FHIT: variants seen among roughly 807,000 people sequenced by gnomAD.
The protein encoded by FHIT is bis(5'-adenosyl)-triphosphatase.
In FHIT, 19 loss-of-function variants were observed where a neutral mutation model predicts 17.9. That is an observed-to-expected ratio of 1.06 (90% CI 0.74 to 1.56). The LOEUF (loss-of-function observed/expected upper bound fraction) is 1.56, where lower values mean the gene tolerates loss of function less well. Among genes scored for constraint, FHIT ranks in the 40% most tolerant of loss-of-function variants. FHIT has a pLI of 0.00. For synonymous variants in FHIT, 81 were observed against 69.7 expected (o/e 1.16, Z -0.81); for missense variants, 248 against 189.2 (o/e 1.31, Z -1.82).
chr3:60,615,659 A>T (rs7640515), intron 4 of FHIT, among the ~76,000 whole-genome samples: 1 of 151,738 alleles, frequency 6.6e-6, no homozygotes, highest in Non-Finnish European at 1.5e-5. Flanking sequence ...CTATGTGTAC[A>T]ACCCTCTGCC....
chr3:59,959,419 A>G (rs1017747758), intron 7 of FHIT, among the ~76,000 whole-genome samples: 2 of 152,236 alleles, frequency 1.3e-5, no homozygotes, highest in African/African-American at 4.8e-5. Flanking sequence ...AAATGTATGT[A>G]GAAGATTTTA....
chr3:60,894,338 C>G (rs976137547), intron 3 of FHIT, among the ~76,000 whole-genome samples: 1 of 152,178 alleles, frequency 6.6e-6, no homozygotes, highest in Admixed American at 6.5e-5. Flanking sequence ...GGCTTATTCC[C>G]AGAGTCACCC....
intron 4 of FHIT, among the ~76,000 whole-genome samples, chr3:60,679,033 A>G (rs1377537619): frequency 2.0e-5 from 3 of 151,898 alleles, no homozygotes; most frequent in Non-Finnish European, 4.4e-5. Context: ...AAGCCGTAGT[A>G]AAGTCAATGA....
intron 2 of FHIT, among the ~76,000 whole-genome samples, chr3:61,179,496 G>A (rs1372436916): frequency 6.6e-6 from 1 of 151,750 alleles, no homozygotes; most frequent in East Asian, 1.9e-4. Flanking sequence ...ATTGCTCGAG[G>A]GCAGGGGTTC....
chr3:61,001,278 G>T (rs902254484), intron 3 of FHIT, among the ~76,000 whole-genome samples: 2 of 152,106 alleles, frequency 1.3e-5, no homozygotes, highest in African/African-American at 4.8e-5. Context: ...AAATAAATTT[G>T]CTATATTACC....
intron 1 of FHIT, among the ~76,000 whole-genome samples, chr3:61,244,853 T>C (rs1230692660): frequency 6.6e-6 from 1 of 152,166 alleles, no homozygotes; most frequent in East Asian, 1.9e-4. Context: ...GTTTACCAGT[T>C]TTGGGGGTCT....
At chr3:60,988,315 C>A (rs2029874822) in intron 3 of FHIT, among the ~76,000 whole-genome samples, 2 of 152,120 alleles carry the variant, frequency 1.3e-5, no homozygotes, top group Admixed American at 6.6e-5. Context: ...TTAGCACTTG[C>A]CCCATTTGTG....
chr3:60,815,169 A>T (rs1487269411), intron 4 of FHIT, among the ~76,000 whole-genome samples: 2 of 151,512 alleles, frequency 1.3e-5, no homozygotes, highest in African/African-American at 4.8e-5. Flanking sequence ...TAATTTGTGA[A>T]TATTTTCTGT....
At chr3:59,927,847 A>T (rs1268132774) in intron 7 of FHIT, among the ~76,000 whole-genome samples, 1 of 152,208 alleles carries the variant, frequency 6.6e-6, no homozygotes, top group African/African-American at 2.4e-5. Flanking sequence ...AAATAGAGAC[A>T]GCATGCAATG....
intron 5 of FHIT, among the ~76,000 whole-genome samples, chr3:60,481,140 G>A (rs1380464919): frequency 6.6e-6 from 1 of 152,066 alleles, no homozygotes. Context: ...GAATGAAGAG[G>A]AGTGAACAAA....
chr3:60,744,270 A>AAAAAAAAAAAAC (rs2042307953), intron 4 of FHIT, among the ~76,000 whole-genome samples: 43 of 22,468 alleles, frequency 1.9e-3, no homozygotes, highest in African/African-American at 6.1e-3. Context: ...AAACAAAACA[A>AAAAAAAAAAAAC]AAAAAAAAAA....
intron 7 of FHIT, among the ~76,000 whole-genome samples, chr3:59,983,361 T>C (rs576139131): frequency 4.7e-4 from 72 of 152,282 alleles, no homozygotes; most frequent in South Asian, 3.5e-3. Context: ...TTACTTTCTA[T>C]GGTTTCAAGT....
intron 5 of FHIT, among the ~76,000 whole-genome samples, chr3:60,314,184 A>T (rs1265721851): frequency 2.0e-5 from 3 of 152,232 alleles, no homozygotes; most frequent in African/African-American, 7.2e-5. Flanking sequence ...GTCTTAATAC[A>T]GATCTTTACA....
At chr3:60,861,241 C>CATATATGATACATATGATATATCAT (rs1703857047) in intron 3 of FHIT, among the ~76,000 whole-genome samples, 5 of 37,098 alleles carry the variant, frequency 1.3e-4, no homozygotes, top group Non-Finnish European at 2.4e-4. Context: ...TATATCATAT[C>CATATATGATACATATGATATATCAT]ATATATGATA....
intron 4 of FHIT, among the ~76,000 whole-genome samples, chr3:60,699,982 A>T (rs1414819657): frequency 6.6e-6 from 1 of 151,782 alleles, no homozygotes; most frequent in Non-Finnish European, 1.5e-5. Context: ...ATACAAAAAA[A>T]GTAGCCAGGT....
At chr3:60,125,969 TTC>T (rs1159898685) in intron 5 of FHIT, among the ~76,000 whole-genome samples, 4 of 152,156 alleles carry the variant, frequency 2.6e-5, no homozygotes, top group Admixed American at 1.3e-4. Flanking sequence ...CTCCCCTTCT[TTC>T]TCTGTTCTGT....
intron 7 of FHIT, among the ~76,000 whole-genome samples, chr3:59,964,477 A>G (rs1048027388): frequency 2.0e-5 from 3 of 152,186 alleles, no homozygotes; most frequent in Non-Finnish European, 4.4e-5. Context: ...TCCAGAACAT[A>G]GAATAAAAAT....
At chr3:60,577,137 T>C (rs954514357) in intron 4 of FHIT, among the ~76,000 whole-genome samples, 4 of 152,122 alleles carry the variant, frequency 2.6e-5, no homozygotes. Flanking sequence ...GATCAACAGG[T>C]ACCTTTTTGG....
At chr3:60,294,705 A>G (rs1034764381) in intron 5 of FHIT, among the ~76,000 whole-genome samples, 3 of 152,032 alleles carry the variant, frequency 2.0e-5, no homozygotes, top group Non-Finnish European at 4.4e-5. Context: ...TCCTCTAACC[A>G]TCCTTAATCA....
Sources: gnomAD v4.1 joint callset for allele counts (sites outside exome capture counted in the v4.1 genomes callset) on GRCh38, gnomAD v4.1.1 for gene constraint, MANE v1.5 for transcripts, NCBI Gene and HGNC (gene_info 2026-07-23, HGNC 2026-07-21) for gene names.